SLC1A3: variants seen among roughly 807,000 people sequenced by gnomAD.
SLC1A3 encodes the protein solute carrier family 1 member 3, also known as excitatory amino acid transporter 1.
A neutral mutation model predicts 48.1 loss-of-function variants in SLC1A3; 21 were observed. That is an observed-to-expected ratio of 0.44 (90% CI 0.31 to 0.63). The LOEUF is 0.63. Ranked by LOEUF, SLC1A3 falls within the 20% of genes least tolerant of loss-of-function variation. The pLI is 0.08. For synonymous variants in SLC1A3, 239 were observed against 251.4 expected, an observed-to-expected ratio of 0.95 and a Z score of 0.47; for missense variants, 546 against 689.0, an observed-to-expected ratio of 0.79 and a Z score of 2.32.
intron 3 of SLC1A3, among the ~76,000 whole-genome samples, chr5:36,660,101 A>G (rs905311061): frequency 6.6e-6 from 1 of 152,166 alleles, no homozygotes; most frequent in African/African-American, 2.4e-5. Context: ...GTGTGACTAT[A>G]TTTTACTCAA....
At chr5:36,626,849 T>A (rs1309117406) in intron 2 of SLC1A3, among the ~76,000 whole-genome samples, 1 of 152,200 alleles carries the variant, frequency 6.6e-6, no homozygotes, top group Non-Finnish European at 1.5e-5. Flanking sequence ...ATTAAATGCC[T>A]TACACCAGAT....
At chr5:36,597,900 G>A (rs1738763503) in intron 1 of SLC1A3, among the ~76,000 whole-genome samples, 2 of 152,136 alleles carry the variant, frequency 1.3e-5, no homozygotes, top group Non-Finnish European at 2.9e-5. Flanking sequence ...TGTCCGCTGA[G>A]GGATTTTATG....
chr5:36,683,144 C>G (rs1742502617), intron 8 of SLC1A3, among the ~76,000 whole-genome samples: 1 of 152,132 alleles, frequency 6.6e-6, no homozygotes, highest in African/African-American at 2.4e-5. Context: ...ACTTTACAAC[C>G]CTCCACTTGG....
At chr5:36,619,900 G>A (rs906367758) in intron 2 of SLC1A3, among the ~76,000 whole-genome samples, 1 of 152,180 alleles carries the variant, frequency 6.6e-6, no homozygotes, top group African/African-American at 2.4e-5. Flanking sequence ...TTAGTATAAA[G>A]CAGCTAAGAT....
intron 2 of SLC1A3, among the ~76,000 whole-genome samples, chr5:36,609,587 A>G (rs1739111720): frequency 6.6e-6 from 1 of 152,252 alleles, no homozygotes; most frequent in South Asian, 2.1e-4. Flanking sequence ...GTGTGTAAAT[A>G]TAACTTTTTT....
chr5:36,596,742 A>G (rs1046554961), intron 1 of SLC1A3, among the ~76,000 whole-genome samples: 1 of 152,228 alleles, frequency 6.6e-6, no homozygotes, highest in African/African-American at 2.4e-5. Flanking sequence ...TTTCCCTAAT[A>G]AAATTATTCA....
At chr5:36,644,014 A>AAATAAAT (rs1740734849) in intron 3 of SLC1A3, among the ~76,000 whole-genome samples, 2 of 101,722 alleles carry the variant, frequency 2.0e-5, no homozygotes, top group African/African-American at 3.1e-5. Flanking sequence ...TCCGTCTCAA[A>AAATAAAT]AAATAAATAA....
intron 6 of SLC1A3, among the ~76,000 whole-genome samples, chr5:36,678,351 G>A (rs2301067): frequency 0.48 from 72,554 of 152,084 alleles, 18,178 homozygotes; most frequent in Middle Eastern, 0.62. Context: ...TGGCAGGAAT[G>A]AAAGTGGACA....
At chr5:36,611,261 A>C (rs1233178935) in intron 2 of SLC1A3, among the ~76,000 whole-genome samples, 1 of 139,466 alleles carries the variant, frequency 7.2e-6, no homozygotes, top group African/African-American at 2.8e-5. Context: ...TCAAATTCCT[A>C]GGTTTTTATT....
At chr5:36,629,637 T>C (rs760200538) in intron 3 of SLC1A3, 50 bp downstream of exon 3, 2 of 1,507,926 alleles carry the variant, frequency 1.3e-6, no homozygotes, top group Non-Finnish European at 1.8e-6. Context: ...GTGTGTTTAT[T>C]GCAAAAGATT....
chr5:36,673,459 A>G (rs1013734498), intron 4 of SLC1A3, among the ~76,000 whole-genome samples: 1 of 152,216 alleles, frequency 6.6e-6, no homozygotes, highest in Non-Finnish European at 1.5e-5. Flanking sequence ...GCTTTGACAA[A>G]GTCTCTGAAG....
At chr5:36,613,937 A>ACAGCACACATGCCTCC (rs1305187821) in intron 2 of SLC1A3, among the ~76,000 whole-genome samples, 1 of 152,194 alleles carries the variant, frequency 6.6e-6, no homozygotes, top group African/African-American at 2.4e-5. Context: ...ACATGTACCC[A>ACAGCACACATGCCTCC]CAGCACACAT....
intron 2 of SLC1A3, chr5:36,609,088 T>G: frequency 1.0e-6 from 1 of 988,112 alleles, no homozygotes; most frequent in African/African-American, 1.7e-5. Flanking sequence ...GACCGAATAT[T>G]TTATGTGTTT....
chr5:36,660,460 T>G (rs1315767646), intron 3 of SLC1A3, among the ~76,000 whole-genome samples: 1 of 152,170 alleles, frequency 6.6e-6, no homozygotes, highest in Non-Finnish European at 1.5e-5. Flanking sequence ...AACTCCCTCC[T>G]AGAGAAGGAA....
chr5:36,635,731 C>T (rs1460437869), intron 3 of SLC1A3, among the ~76,000 whole-genome samples: 1 of 152,204 alleles, frequency 6.6e-6, no homozygotes, highest in Non-Finnish European at 1.5e-5. Context: ...CCACACACTG[C>T]ACCCATGTTG....
At chr5:36,677,232 C>A in intron 6 of SLC1A3, 48 bp downstream of exon 6, 1 of 1,520,986 alleles carries the variant, frequency 6.6e-7, no homozygotes, top group African/African-American at 1.4e-5. Flanking sequence ...ATGGTTATTG[C>A]CATCAACATG....
chr5:36,603,119 C>T (rs1738826443), upstream of SLC1A3, among the ~76,000 whole-genome samples: 2 of 152,176 alleles, frequency 1.3e-5, no homozygotes, highest in Admixed American at 1.3e-4. Flanking sequence ...GTGGCTGGCT[C>T]CCCATTGACT....
chr5:36,685,620 T>G (rs746012599), intron 9 of SLC1A3, among the ~76,000 whole-genome samples: 1 of 152,232 alleles, frequency 6.6e-6, no homozygotes, highest in Non-Finnish European at 1.5e-5. Flanking sequence ...TTTTATGTTT[T>G]GCAAGTTTTC....
intron 3 of SLC1A3, among the ~76,000 whole-genome samples, chr5:36,662,486 G>A (rs1034466697): frequency 2.0e-5 from 3 of 152,128 alleles, no homozygotes; most frequent in African/African-American, 7.2e-5. Flanking sequence ...ACGACTCCCC[G>A]GCCCATGGTG....
Sources: allele counts gnomAD v4.1 joint callset (sites outside exome capture counted in the v4.1 genomes callset), GRCh38; gene constraint gnomAD v4.1.1; transcripts MANE v1.5; gene names NCBI Gene and HGNC (gene_info 2026-07-23, HGNC 2026-07-21).